The following ARHGEF16 variants were observed in gnomAD, a reference collection of about 807,000 sequenced individuals.
ARHGEF16 encodes Rho guanine nucleotide exchange factor 16, also known as Rho guanine exchange factor (GEF) 16.
Under a neutral mutation model 74.1 loss-of-function variants are expected in ARHGEF16, and 59 were observed. That is an observed-to-expected ratio of 0.80 (90% CI 0.65 to 0.99). ARHGEF16 has a LOEUF of 0.99. ARHGEF16 is among the 50% of genes least tolerant of loss of function. The probability of loss-of-function intolerance (pLI) is 0.00; values close to 1 mark genes in which losing one functional copy is unlikely to be tolerated. For missense variants in ARHGEF16, 948 were observed against 986.6 expected, an observed-to-expected ratio of 0.96 and a Z score of 0.52; for synonymous variants, 415 against 412.6, an observed-to-expected ratio of 1.01 and a Z score of -0.07.
At position 3,473,399 on chromosome 1, in the gene ARHGEF16, C is replaced by G. The variant is rs770137000; in HGVS notation, c.1182C>G (p.Ser394Arg). ...CAGCCTTGTCCTCTTGCAGAAGCAG[C>G]AACGCCGCCTTCCGAGAGGCCCTGA... is the stretch of plus-strand genomic sequence containing the variant. Reference protein sequence around the residue: ...QQRTLQKLISSNAAFREALRE... With the variant: ...QQRTLQKLISRNAAFREALRE... Residue 394 changes from serine (S) to arginine (R), a missense_variant, in exon 8 of 15, where the codon AGC becomes AGG. Ser to Arg is a moderately radical substitution (Grantham distance 110). Coordinates refer to ENST00000378378, the MANE Select transcript of ARHGEF16 (RefSeq NM_014448.4). 1 of 1,606,078 alleles carries G rather than the reference C, an allele frequency of 6.2e-7. No homozygotes were observed. The highest frequency in any genetic ancestry group is 1.3e-5 in the African/African-American group (1 of 74,972).
At chr1:3,476,122 G>T in intron 10 of ARHGEF16, 60 bp downstream of exon 10, 1 of 1,506,458 alleles carries the variant, frequency 6.6e-7, no homozygotes, top group Admixed American at 2.0e-5. Context: ...CTCCCTGCTG[G>T]CCTGCGTGTG....
chr1:3,463,530 T>C lies in ARHGEF16; in HGVS notation c.446T>C (p.Leu149Pro). ...CCCGGGGGCATGCTGAGGCGGAACC[T>C]GCGGAACCAATCCTACCGGGCGGCC... ...KDPGGMLRRN[L>P]RNQSYRAAMK... Residue 149 changes from leucine to proline, a missense_variant, in exon 2 of 15, where the codon CTG (leucine) becomes CCG (proline). Coordinates refer to ENST00000378378, the MANE Select transcript of ARHGEF16 (RefSeq NM_014448.4). 1 of 1,472,314 alleles carries C rather than the reference T, an allele frequency of 6.8e-7. No individual in the cohort carries two copies. The highest frequency in any genetic ancestry group is 9.0e-7 in the Non-Finnish European group (1 of 1,108,930). 91.2% of individuals were successfully genotyped at this position (1,472,314 alleles called of 1,614,324 possible). A position where few individuals can be genotyped will look rare whatever the true frequency, so the allele number is the denominator to read the frequency against.
At position 3,469,456 on chromosome 1, in the gene ARHGEF16, G is replaced by A. The variant is rs757248740; in HGVS notation, c.885G>A (p.Ser295=). 1.1e-5 allele frequency: 18 copies of A among 1,612,988 alleles called. No homozygotes were observed. Among genetic ancestry groups the A allele is most frequent in the Middle Eastern group, 1.6e-4 (1 of 6,062 alleles). The change falls in exon 6 of 15, where the codon TCG becomes TCA. Residue 295 remains serine, a synonymous_variant. Coordinates refer to ENST00000378378, the MANE Select transcript of ARHGEF16 (RefSeq NM_014448.4). ...AGGCCATGTTCGAGATCCTCACGTC[G>A]GAGTTCTCCTACCAGCACAGCCTGA... ...RQEAMFEILT[S]EFSYQHSLSI...
chr1:3,467,378 G>A, intron 4 of ARHGEF16, 41 bp downstream of exon 4: 1 of 1,524,268 alleles, frequency 6.6e-7, no homozygotes, highest in Non-Finnish European at 8.8e-7. Context: ...ACAGAGGCAG[G>A]GAGAAGCCAC....
chr1:3,476,156 G>C, intron 10 of ARHGEF16, 94 bp downstream of exon 10: 1 of 1,340,956 alleles, frequency 7.5e-7, no homozygotes, highest in Non-Finnish European at 1.0e-6. Context: ...GAGCCTGAGG[G>C]CTGGAGAGTG....
intron 2 of ARHGEF16, among the ~76,000 whole-genome samples, chr1:3,465,785 G>A (rs1042877023): frequency 1.3e-5 from 2 of 152,166 alleles, no homozygotes; most frequent in African/African-American, 4.8e-5. Context: ...TTGCTCGTCT[G>A]TCCCACCAGG....
chr1:3,468,594 C>G, intron 4 of ARHGEF16: 3 of 468,836 alleles, frequency 6.4e-6, no homozygotes, highest in South Asian at 4.4e-5. Flanking sequence ...GATCCCCCCC[C>G]GCCCTCTGGC....
intron 2 of ARHGEF16, chr1:3,465,856 C>G (rs996868129): frequency 9.4e-6 from 4 of 426,222 alleles, no homozygotes; most frequent in African/African-American, 6.2e-5. Flanking sequence ...CTCCCAACCT[C>G]ACCTGCCCTG....
chr1:3,459,836 G>A (rs1320760878), intron 1 of ARHGEF16, among the ~76,000 whole-genome samples: 1 of 152,130 alleles, frequency 6.6e-6, no homozygotes, highest in Non-Finnish European at 1.5e-5. Flanking sequence ...GGGGCCAGCC[G>A]TGATGGAGTC....
At chr1:3,474,422 T>C in intron 8 of ARHGEF16, 1 of 413,048 alleles carries the variant, frequency 2.4e-6, no homozygotes, top group Non-Finnish European at 4.5e-6. Flanking sequence ...CCAGGGGGCC[T>C]CCACTGACGA....
At chr1:3,479,777 C>T in intron 13 of ARHGEF16, 35 bp from the exon 14 acceptor site, 1 of 1,604,654 alleles carries the variant, frequency 6.2e-7, no homozygotes, top group Non-Finnish European at 8.5e-7. Context: ...GCCCATGCCT[C>T]CCGACAGCCC....
intron 2 of ARHGEF16, among the ~76,000 whole-genome samples, chr1:3,464,061 G>A (rs550753982): frequency 3.3e-5 from 5 of 152,358 alleles, no homozygotes; most frequent in South Asian, 2.1e-4. Context: ...CATCTGCCCC[G>A]GCAGCTCCAG....
At chr1:3,471,015 C>G (rs1336510779) in intron 6 of ARHGEF16, among the ~76,000 whole-genome samples, 1 of 72,030 alleles carries the variant, frequency 1.4e-5, no homozygotes, top group African/African-American at 5.6e-5. Context: ...GGTGTGTGTA[C>G]CTGGCCAGGG....
intron 13 of ARHGEF16, 97 bp from the exon 14 acceptor site, chr1:3,479,715 G>GC: frequency 6.5e-7 from 1 of 1,533,852 alleles, no homozygotes; most frequent in Non-Finnish European, 8.9e-7. Flanking sequence ...GGGATGGGGT[G>GC]CCCCGGCCCC....
intron 4 of ARHGEF16, among the ~76,000 whole-genome samples, chr1:3,467,920 G>A (rs1471030896): frequency 2.6e-5 from 4 of 152,130 alleles, no homozygotes; most frequent in South Asian, 2.1e-4. Context: ...GCAGCGGGGA[G>A]GGCGGGCCCC....
chr1:3,472,095 G>T (rs1482607206), intron 6 of ARHGEF16, among the ~76,000 whole-genome samples: 1 of 152,216 alleles, frequency 6.6e-6, no homozygotes, highest in African/African-American at 2.4e-5. Flanking sequence ...CCACCTCCAC[G>T]CTGGGTAAGG....
At position 3,473,461 on chromosome 1, in the gene ARHGEF16, C is replaced by G. The variant is rs1199346568; in HGVS notation, c.1244C>G (p.Pro415Arg). The part of the protein sequence containing the change: ...IERRPACGGL[P>R]MLSFLILPMQ... ...AGGCGGCCGGCGTGCGGGGGCCTGC[C>G]CATGCTCTCCTTCCTGATCCTCCCC... Residue 415 changes from proline to arginine, a missense_variant, in exon 8 of 15, where the codon CCC becomes CGC. By Grantham distance (103) the Pro-to-Arg change is moderately radical. Coordinates refer to ENST00000378378, the MANE Select transcript of ARHGEF16 (RefSeq NM_014448.4). The G allele has an allele frequency of 6.2e-7, 1 of 1,612,456 alleles. No homozygotes were observed. Among genetic ancestry groups the G allele is most frequent in the African/African-American group, 1.3e-5 (1 of 74,934 alleles).
chr1:3,465,881 G>A (rs903815660), intron 2 of ARHGEF16: 41 of 478,514 alleles, frequency 8.6e-5, no homozygotes, highest in South Asian at 7.9e-4. Flanking sequence ...GGGCCTGCTC[G>A]AAACTCTTCT....
chr1:3,462,145 T>G (rs1426580240), intron 1 of ARHGEF16, among the ~76,000 whole-genome samples: 1 of 151,698 alleles, frequency 6.6e-6, no homozygotes, highest in African/African-American at 2.4e-5. Flanking sequence ...TACAGAGATG[T>G]CTACAGGGCA....
Sources: allele counts gnomAD v4.1 joint callset (sites outside exome capture counted in the v4.1 genomes callset), GRCh38; gene constraint gnomAD v4.1.1; transcripts MANE v1.5; gene names NCBI Gene and HGNC (gene_info 2026-07-23, HGNC 2026-07-21).